The following CNTNAP2 variants were observed in gnomAD, a reference collection of about 807,000 sequenced individuals.
The protein encoded by CNTNAP2 is contactin associated protein 2.
A neutral mutation model predicts 155.2 loss-of-function variants in CNTNAP2; 98 were observed. That is an observed-to-expected ratio of 0.63 (90% CI 0.54 to 0.75). The LOEUF (loss-of-function observed/expected upper bound fraction) is 0.75. CNTNAP2 is among the 30% of genes least tolerant of loss of function. The pLI is 0.00. For synonymous variants in CNTNAP2, 651 were observed against 631.2 expected, an observed-to-expected ratio of 1.03 and a Z score of -0.47; for missense variants, 1,727 against 1,688.1, an observed-to-expected ratio of 1.02 and a Z score of -0.40.
intron 2 of CNTNAP2, among the ~76,000 whole-genome samples, chr7:146,817,682 T>C (rs1803200119): frequency 6.6e-6 from 1 of 151,876 alleles, no homozygotes; most frequent in Admixed American, 6.6e-5. Context: ...GGCAGGGAGA[T>C]GCTACTCACT....
At chr7:147,157,024 TC>T (rs1446090840) in intron 8 of CNTNAP2, among the ~76,000 whole-genome samples, 1 of 152,086 alleles carries the variant, frequency 6.6e-6, no homozygotes, top group Non-Finnish European at 1.5e-5. Context: ...TCACCTGGCT[TC>T]ACTCTCCATT....
In CNTNAP2 at chr7:148,082,168, G is replaced by A. The variant is rs527801121; in HGVS notation, c.2384-35950G>A. ...GAAAGGAAGAGATGAATGAATGGAA[G>A]AGATATATGAGCCATTTCAAAATAA... On this transcript the variant is annotated intron_variant, in intron 15 of 23. Coordinates refer to ENST00000361727, the MANE Select transcript of CNTNAP2 (RefSeq NM_014141.6). Among the ~76,000 whole-genome samples, 4 of 152,234 alleles carry A rather than the reference G, an allele frequency of 2.6e-5. No individual in the cohort carries two copies. The East Asian group carries it at 7.7e-4, about 29-fold the overall frequency.
At chr7:147,112,282 G>A (rs1455692987) in intron 5 of CNTNAP2, among the ~76,000 whole-genome samples, 3 of 152,134 alleles carry the variant, frequency 2.0e-5, no homozygotes, top group Admixed American at 2.0e-4. Context: ...GGGCTGAGAT[G>A]ATGAGGTTTC....
chr7:147,539,513 T>C (rs891587174), intron 11 of CNTNAP2, among the ~76,000 whole-genome samples: 1 of 152,166 alleles, frequency 6.6e-6, no homozygotes, highest in African/African-American at 2.4e-5. Flanking sequence ...ACTAGGATAG[T>C]CTGAGAATAT....
At position 147,062,242 on chromosome 7, in the gene CNTNAP2, T is replaced by C. The variant is rs187586285; in HGVS notation, c.550+18188T>C. On this transcript the variant is annotated intron_variant, in intron 4 of 23. Transcript: ENST00000361727. ...ACAATCTATATTTTCAATATCACAT[T>C]AAAAAAGCAGTGTAATATCAGTATA... 4.3e-3 allele frequency among the ~76,000 whole-genome samples: 632 copies of C among 147,680 alleles called. 2 individuals carry two copies. Among genetic ancestry groups the C allele is most frequent in the African/African-American group, 0.015 (586 of 40,064 alleles).
At chr7:147,503,250 T>C (rs905675686) in intron 11 of CNTNAP2, among the ~76,000 whole-genome samples, 3 of 152,144 alleles carry the variant, frequency 2.0e-5, no homozygotes, top group African/African-American at 7.2e-5. Context: ...TCTGCCTCCT[T>C]CTTCACACAG....
At chr7:147,233,724 T>C (rs1803736167) in intron 8 of CNTNAP2, among the ~76,000 whole-genome samples, 1 of 152,054 alleles carries the variant, frequency 6.6e-6, no homozygotes, top group South Asian at 2.1e-4. Flanking sequence ...GATCCAATTA[T>C]ACCTTATTTG....
chr7:147,472,926 G>T (rs1305380623), intron 10 of CNTNAP2, among the ~76,000 whole-genome samples: 2 of 152,254 alleles, frequency 1.3e-5, no homozygotes, highest in Non-Finnish European at 2.9e-5. Flanking sequence ...CCAAGTTTCA[G>T]GCTCTCAAAG....
intron 1 of CNTNAP2, among the ~76,000 whole-genome samples, chr7:146,668,537 C>A (rs889760740): frequency 6.6e-6 from 1 of 151,586 alleles, no homozygotes; most frequent in African/African-American, 2.4e-5. Context: ...AGAATTCCCT[C>A]GGCTTCAATT....
chr7:146,119,677 T>G (rs774678361), intron 1 of CNTNAP2, among the ~76,000 whole-genome samples: 1 of 152,118 alleles, frequency 6.6e-6, no homozygotes, highest in Non-Finnish European at 1.5e-5. Context: ...AGCTAGCGCT[T>G]AATAAATTCA....
intron 13 of CNTNAP2, among the ~76,000 whole-genome samples, chr7:147,772,516 A>AT (rs1171036033): frequency 7.7e-6 from 1 of 129,484 alleles, no homozygotes; most frequent in Non-Finnish European, 1.6e-5. Flanking sequence ...AAAAGAGGTG[A>AT]TTTTTTTCCT....
intron 11 of CNTNAP2, among the ~76,000 whole-genome samples, chr7:147,496,412 G>A (rs1457258636): frequency 1.3e-5 from 2 of 152,130 alleles, no homozygotes; most frequent in Non-Finnish European, 2.9e-5. Flanking sequence ...AATGCTTACA[G>A]TGCATTTTTG....
chr7:147,262,244 G>C (rs899588445), intron 8 of CNTNAP2, among the ~76,000 whole-genome samples: 1 of 152,184 alleles, frequency 6.6e-6, no homozygotes, highest in Non-Finnish European at 1.5e-5. Context: ...GATTTTACTT[G>C]AATGCGGAAA....
chr7:146,551,049 T>G (rs1367963850), intron 1 of CNTNAP2, among the ~76,000 whole-genome samples: 1 of 152,084 alleles, frequency 6.6e-6, no homozygotes, highest in Non-Finnish European at 1.5e-5. Flanking sequence ...TTTAGATTCT[T>G]CACCAAGGGG....
chr7:146,426,933 C>A (rs905772945), intron 1 of CNTNAP2, among the ~76,000 whole-genome samples: 1 of 151,960 alleles, frequency 6.6e-6, no homozygotes, highest in Non-Finnish European at 1.5e-5. Context: ...AGCCGTTCCA[C>A]AATGTATACA....
At chr7:146,134,067 G>C (rs1377110580) in intron 1 of CNTNAP2, among the ~76,000 whole-genome samples, 2 of 148,682 alleles carry the variant, frequency 1.3e-5, no homozygotes, top group Non-Finnish European at 3.0e-5. Flanking sequence ...TCTTCCATTT[G>C]TTTGTATCCT....
At chr7:147,318,007 T>A (rs981922952) in intron 9 of CNTNAP2, among the ~76,000 whole-genome samples, 1 of 152,186 alleles carries the variant, frequency 6.6e-6, no homozygotes, top group African/African-American at 2.4e-5. Context: ...ATTCGAAGAA[T>A]GAATAATTTT....
intron 9 of CNTNAP2, among the ~76,000 whole-genome samples, chr7:147,347,459 T>TATATATATATGC (rs1563169345): frequency 2.2e-5 from 1 of 44,760 alleles, no homozygotes; most frequent in South Asian, 1.5e-3. Flanking sequence ...TATATATGCA[T>TATATATATATGC]ATATATATAT....
intron 18 of CNTNAP2, among the ~76,000 whole-genome samples, chr7:148,210,860 G>A (rs959162068): frequency 3.9e-5 from 6 of 152,212 alleles, no homozygotes; most frequent in Admixed American, 3.3e-4. Flanking sequence ...ATTCAGCAAG[G>A]AAATTCAGAG....
Sources: allele counts gnomAD v4.1 joint callset (sites outside exome capture counted in the v4.1 genomes callset), GRCh38; gene constraint gnomAD v4.1.1; transcripts MANE v1.5; gene names NCBI Gene and HGNC (gene_info 2026-07-23, HGNC 2026-07-21).